The following STX16 variants were observed in gnomAD, a reference collection of about 807,000 sequenced individuals.
STX16 encodes syntaxin 16.
In STX16, 28 loss-of-function variants were observed where a neutral mutation model predicts 42.7. The ratio of observed to expected loss-of-function variants is 0.66; its 90% confidence interval spans 0.49 to 0.90. The LOEUF (loss-of-function observed/expected upper bound fraction) is 0.90, where lower values mean the gene tolerates loss of function less well. Ranked by LOEUF, STX16 falls within the 40% of genes least tolerant of loss-of-function variation. STX16 has a pLI of 0.00. For synonymous variants in STX16, 156 were observed against 155.2 expected, an observed-to-expected ratio of 1.00 and a Z score of -0.04; for missense variants, 361 against 420.9, an observed-to-expected ratio of 0.86 and a Z score of 1.24.
chr20:58,664,785 A>G (rs912673092), intron 2 of STX16, among the ~76,000 whole-genome samples: 1 of 152,232 alleles, frequency 6.6e-6, no homozygotes, highest in Non-Finnish European at 1.5e-5. Flanking sequence ...CTTTAGTTTA[A>G]TGTGTATTTG....
At chr20:58,668,275 G>C (rs2083886124) in intron 4 of STX16, 148 bp downstream of exon 4, 2 of 1,000,938 alleles carry the variant, frequency 2.0e-6, no homozygotes, top group Non-Finnish European at 2.9e-6. Context: ...AAGTCCTCCA[G>C]CTGTCAGCGT....
In STX16 at chr20:58,657,243, A is replaced by G. The variant is rs769643148; in HGVS notation, c.133-2380A>G. Among the ~76,000 whole-genome samples, 1 of 152,204 alleles carries G rather than the reference A, an allele frequency of 6.6e-6. No homozygotes were observed. Among genetic ancestry groups the G allele is most frequent in the Non-Finnish European group, 1.5e-5 (1 of 68,048 alleles). On this transcript the variant is annotated intron_variant, in intron 1 of 8. Coordinates refer to ENST00000371141, the MANE Select transcript of STX16 (RefSeq NM_001001433.3). This position sits in a 1 kb window ranked among gnomAD's most constrained non-coding sequence, Gnocchi z 4.2. ...TAGTACAAGCTGAGTCTGTTGGAAA[A>G]TTAGTTCTCTGTCTTTAGAATCCAA...
intron 7 of STX16, among the ~76,000 whole-genome samples, chr20:58,672,080 C>A (rs1169987436): frequency 6.6e-6 from 1 of 152,100 alleles, no homozygotes; most frequent in African/African-American, 2.4e-5. Context: ...CATCTGTAAT[C>A]CCAGCACTTT....
At chr20:58,656,858 C>T (rs780423176) in intron 1 of STX16, among the ~76,000 whole-genome samples, 7 of 152,206 alleles carry the variant, frequency 4.6e-5, no homozygotes, top group East Asian at 3.8e-4. Context: ...AAGCCCTTTC[C>T]GTGTGTAAGC....
chr20:58,678,025 A>G lies in STX16; in HGVS notation c.*1734A>G, dbSNP rs2084175037. 1.3e-5 allele frequency: 2 copies of G among 152,240 alleles called. No homozygotes were observed. The highest frequency in any genetic ancestry group is 1.5e-5 in the Non-Finnish European group (1 of 68,050). The allele number at this position is 152,240 out of a possible 1,614,324, so 9.4% of individuals were successfully genotyped here. ...CAGCACCTCATCAGTCAGCCCTGCA[A>G]TGTGAGACTTCCGTAGCTGTTGAGA... is the stretch of plus-strand genomic sequence containing the variant. On this transcript the variant is annotated 3_prime_UTR_variant, in exon 9 of 9. Transcript: ENST00000371141.
intron 1 of STX16, among the ~76,000 whole-genome samples, chr20:58,659,307 T>G (rs2083646622): frequency 6.6e-6 from 1 of 152,236 alleles, no homozygotes; most frequent in African/African-American, 2.4e-5. Flanking sequence ...ACAGCATATT[T>G]TAGTGAAACC....
Position 58,668,003 on chromosome 20 carries a change from G to T in STX16, c.269G>T (p.Gly90Val). ...DGVDEIQYDV[G>V]RIKQKMKELA... is the part of the protein sequence containing the mutation. ...TTTGCTTAGATTCAGTATGATGTTG[G>T]CCGGATTAAGCAGAAGATGAAAGAA... The change falls in exon 4 of 9, where the codon GGC (glycine) becomes GTC (valine). Residue 90 changes from glycine (G) to valine (V), a missense_variant. Gly to Val is a moderately radical substitution (Grantham distance 109, BLOSUM62 -3). Coordinates refer to ENST00000371141, the MANE Select transcript of STX16 (RefSeq NM_001001433.3). 1.2e-6 allele frequency: 2 copies of T among 1,614,202 alleles called. No individual in the cohort carries two copies. The highest frequency in any genetic ancestry group is 1.1e-5 in the South Asian group (1 of 91,080).
At chr20:58,671,024 T>C (rs2083956243) in intron 6 of STX16, 130 bp from the exon 7 acceptor site, 1 of 1,001,744 alleles carries the variant, frequency 1.0e-6, no homozygotes, top group Non-Finnish European at 1.4e-6. Flanking sequence ...CTGTGCTTTG[T>C]AGAAATATTT....
rs750868098 is a variant in STX16 at position 58,668,126 on chromosome 20, A to G, written c.392A>G (p.Gln131Arg). The change falls in exon 4 of 9, where the codon CAG becomes CGG. Residue 131 changes from glutamine to arginine, a missense_variant and splice_region_variant. Gln to Arg is a conservative substitution (Grantham distance 43, BLOSUM62 1). Transcript: ENST00000371141. ...AIEITTQEIT[Q>R]LFHRCQRAVQ... ...GAGATAACTACCCAAGAGATCACTCAGGTGAGGAGTGCAAGTGAGTCCTGG... is the reference window on the plus strand; with the variant it reads ...GAGATAACTACCCAAGAGATCACTCGGGTGAGGAGTGCAAGTGAGTCCTGG... 29 of 1,614,126 alleles carry G rather than the reference A, an allele frequency of 1.8e-5. No individual in the cohort carries two copies. The Admixed American group carries it at 2.8e-4, about 16-fold the overall frequency.
chr20:58,675,863 A>C (rs956964969), intron 8 of STX16, among the ~76,000 whole-genome samples: 1 of 152,190 alleles, frequency 6.6e-6, no homozygotes, highest in East Asian at 1.9e-4. Context: ...CACGGCCTGC[A>C]GGAGGAAAAG....
chr20:58,661,098 G>T (rs1048156135), intron 2 of STX16, among the ~76,000 whole-genome samples: 1 of 152,132 alleles, frequency 6.6e-6, no homozygotes, highest in Non-Finnish European at 1.5e-5. Flanking sequence ...CAGGCGTTCT[G>T]AGTTAAAATA....
intron 7 of STX16, among the ~76,000 whole-genome samples, chr20:58,672,604 G>A (rs896657969): frequency 6.6e-6 from 1 of 151,994 alleles, no homozygotes; most frequent in Non-Finnish European, 1.5e-5. Context: ...ATAGGCTACT[G>A]TCATTCCCTA....
At position 58,652,150 on chromosome 20, in the gene STX16, G is replaced by C. The variant is rs908576169; in HGVS notation, c.132+12G>C. ...GTAGCATTGCTGCGGTGAGTCTCCT[G>C]GCGGCCTCTCCGACACACGGACCGT... On this transcript the variant is annotated intron_variant, in intron 1 of 8. Coordinates refer to ENST00000371141, the MANE Select transcript of STX16 (RefSeq NM_001001433.3). The C allele has an allele frequency of 1.2e-6, 2 of 1,613,088 alleles. No individual in the cohort carries two copies. Among genetic ancestry groups the C allele is most frequent in the African/African-American group, 1.3e-5 (1 of 74,936 alleles).
At chr20:58,654,467 G>A (rs1157913194) in intron 1 of STX16, among the ~76,000 whole-genome samples, 2 of 152,080 alleles carry the variant, frequency 1.3e-5, no homozygotes, top group African/African-American at 4.8e-5. Flanking sequence ...CACACAGTAC[G>A]GCGAAATGCT....
Position 58,669,309 on chromosome 20 carries a change from C to T in STX16, c.412C>T (p.Arg138Cys), listed in dbSNP as rs367970007. The T allele has an allele frequency of 1.8e-5, 29 of 1,611,146 alleles. No homozygotes were observed. The highest frequency in any genetic ancestry group is 2.5e-5 in the Non-Finnish European group (29 of 1,179,550). The change falls in exon 5 of 9, where the codon CGT becomes TGT. Residue 138 changes from arginine (R) to cysteine (C), a missense_variant. Arg to Cys is a radical substitution (Grantham distance 180). Coordinates refer to ENST00000371141, the MANE Select transcript of STX16 (RefSeq NM_001001433.3). ...EITQLFHRCQ[R>C]AVQALPSRAR... ...CTCTTAGCTCTTCCACAGGTGCCAGCGTGCCGTGCAGGCCCTGCCGAGCCG... is the reference window on the plus strand; with the variant it reads ...CTCTTAGCTCTTCCACAGGTGCCAGTGTGCCGTGCAGGCCCTGCCGAGCCG...
At chr20:58,668,998 T>C (rs2083903563) in intron 4 of STX16, among the ~76,000 whole-genome samples, 2 of 152,178 alleles carry the variant, frequency 1.3e-5, no homozygotes, top group Admixed American at 1.3e-4. Context: ...AAATTTGAAA[T>C]CCTAAACATT....
chr20:58,652,197 T>TTGTCTGTCTC (rs1568808535), intron 1 of STX16, 59 bp downstream of exon 1: 6 of 1,605,694 alleles, frequency 3.7e-6, no homozygotes, highest in South Asian at 3.3e-5. Flanking sequence ...CTCTGCCTGT[T>TTGTCTGTCTC]TGTCTGTCTC....
chr20:58,676,423 C>T lies in STX16; in HGVS notation c.*132C>T. 1.4e-6 allele frequency: 1 copy of T among 730,454 alleles called. No individual in the cohort carries two copies. Among genetic ancestry groups the T allele is most frequent in the East Asian group, 2.6e-5 (1 of 39,008 alleles). The allele number at this position is 730,454 out of a possible 1,614,324, so 45.2% of individuals were successfully genotyped here. On this transcript the variant is annotated 3_prime_UTR_variant, in exon 9 of 9. Coordinates refer to ENST00000371141, the MANE Select transcript of STX16 (RefSeq NM_001001433.3). Reference sequence around the variant, plus strand: ...AGGGCGTCGGGGCAGCGAACCTTTGCATCCACGGACTCCTCCTTCCCTAGT... The same window carrying T: ...AGGGCGTCGGGGCAGCGAACCTTTGTATCCACGGACTCCTCCTTCCCTAGT...
chr20:58,652,289 A>T, intron 1 of STX16, 151 bp downstream of exon 1: 1 of 1,150,582 alleles, frequency 8.7e-7, no homozygotes, highest in East Asian at 2.7e-5. Flanking sequence ...GTCAGGGGGC[A>T]TCTGTAGCCC....
Sources: gnomAD v4.1 joint callset for allele counts (sites outside exome capture counted in the v4.1 genomes callset) on GRCh38, gnomAD v4.1.1 for gene constraint, Gnocchi (gnomAD v3.1) non-coding constraint, MANE v1.5 for transcripts, NCBI Gene and HGNC (gene_info 2026-07-23, HGNC 2026-07-21) for gene names.